The following CDYL variants were observed in gnomAD, a reference collection of about 807,000 sequenced individuals.
CDYL encodes chromodomain Y like.
Under a neutral mutation model 47.3 loss-of-function variants are expected in CDYL, and 8 were observed. The observed-to-expected ratio is 0.17, with a 90% CI of 0.10 to 0.31. The LOEUF is 0.31. Ranked by LOEUF, CDYL falls within the 10% of genes least tolerant of loss-of-function variation. The pLI, the probability that CDYL is intolerant of heterozygous loss-of-function variation, is 1.00. For synonymous variants in CDYL, 266 were observed against 265.0 expected, an observed-to-expected ratio of 1.00 and a Z score of -0.04; for missense variants, 471 against 701.4, an observed-to-expected ratio of 0.67 and a Z score of 3.71.
intron 2 of CDYL, among the ~76,000 whole-genome samples, chr6:4,731,910 G>A (rs1047699432): frequency 9.2e-5 from 14 of 151,924 alleles, no homozygotes; most frequent in Non-Finnish European, 2.1e-4. Context: ...GGGGGAAGAT[G>A]GTAATGTTTT....
intron 1 of CDYL, among the ~76,000 whole-genome samples, chr6:4,852,487 CCTTCCAAT>C: frequency 8.1e-6 from 1 of 123,368 alleles, no homozygotes; most frequent in Admixed American, 7.8e-5. Flanking sequence ...TTCCTTCCTT[CCTTCCAAT>C]CTTCCTTCCT....
chr6:4,953,704 G>C (rs1284408194), intron 6 of CDYL, among the ~76,000 whole-genome samples, 194 bp from the exon 7 acceptor site: 1 of 152,198 alleles, frequency 6.6e-6, no homozygotes, highest in Non-Finnish European at 1.5e-5. Context: ...TTGAAGTTAA[G>C]AATGCACCCA....
intron 2 of CDYL, among the ~76,000 whole-genome samples, chr6:4,918,458 AG>A (rs1213807988): frequency 3.3e-5 from 5 of 151,968 alleles, no homozygotes; most frequent in African/African-American, 1.2e-4. Flanking sequence ...GTATTTTCAA[AG>A]GCTTTAAAAA....
intron 3 of CDYL, among the ~76,000 whole-genome samples, chr6:4,762,645 C>CAAAAAAAA (rs1173404314): frequency 2.5e-5 from 1 of 39,650 alleles, no homozygotes; most frequent in Non-Finnish European, 5.4e-5. Context: ...TAAAGGGTAC[C>CAAAAAAAA]AAAAAAAAAA....
chr6:4,915,491 G>T (rs1053755728), intron 2 of CDYL, among the ~76,000 whole-genome samples: 17 of 152,162 alleles, frequency 1.1e-4, no homozygotes, highest in Admixed American at 6.5e-4. Context: ...TAATGTGGGG[G>T]ATGGGGGCAG....
intron 1 of CDYL, among the ~76,000 whole-genome samples, chr6:4,829,133 T>C (rs1406295048): frequency 2.0e-5 from 3 of 152,222 alleles, no homozygotes; most frequent in African/African-American, 7.2e-5. Flanking sequence ...TATTTCTTTA[T>C]ATGCTTTGTG....
intron 2 of CDYL, among the ~76,000 whole-genome samples, chr6:4,902,739 G>A (rs1263391776): frequency 1.1e-5 from 1 of 92,252 alleles, no homozygotes; most frequent in African/African-American, 2.9e-5. Flanking sequence ...TGGAGAAGGT[G>A]CCAGGGAGTC....
At chr6:4,844,936 T>G (rs767460083) in intron 1 of CDYL, among the ~76,000 whole-genome samples, 1 of 152,216 alleles carries the variant, frequency 6.6e-6, no homozygotes, top group Non-Finnish European at 1.5e-5. Context: ...ATAAATTGCC[T>G]TTTTCATTCT....
intron 1 of CDYL, among the ~76,000 whole-genome samples, chr6:4,713,410 C>G (rs1299568535): frequency 6.6e-6 from 1 of 152,086 alleles, no homozygotes; most frequent in Admixed American, 6.6e-5. Flanking sequence ...TAAGAGAAGG[C>G]CGCTCTGCTC....
At chr6:4,856,936 CAT>C (rs2127466477) in intron 1 of CDYL, among the ~76,000 whole-genome samples, 1 of 152,300 alleles carries the variant, frequency 6.6e-6, no homozygotes, top group African/African-American at 2.4e-5. Flanking sequence ...ATCACTGTCT[CAT>C]ATGATTTTTA....
At chr6:4,724,889 GC>G (rs1452468690) in intron 2 of CDYL, 1 of 152,168 alleles carries the variant, frequency 6.6e-6, no homozygotes, top group African/African-American at 2.4e-5. Flanking sequence ...GATTACCGCT[GC>G]TGGCTCGGGC....
At chr6:4,904,193 TAAG>T (rs1483432530) in intron 2 of CDYL, among the ~76,000 whole-genome samples, 1 of 152,198 alleles carries the variant, frequency 6.6e-6, no homozygotes, top group Non-Finnish European at 1.5e-5. Context: ...AGACTATTGT[TAAG>T]AAGATTATAC....
chr6:4,747,161 G>C (rs1757913006), intron 3 of CDYL, among the ~76,000 whole-genome samples: 1 of 151,998 alleles, frequency 6.6e-6, no homozygotes, highest in South Asian at 2.1e-4. Context: ...CCAAAAATTA[G>C]CCAAGAGTGG....
At chr6:4,859,545 T>A (rs1311859434) in intron 1 of CDYL, among the ~76,000 whole-genome samples, 1 of 152,204 alleles carries the variant, frequency 6.6e-6, no homozygotes, top group South Asian at 2.1e-4. Context: ...GGTGGCAGCC[T>A]TGCCTTTGAC....
chr6:4,764,698 A>G (rs1758226180), intron 3 of CDYL, among the ~76,000 whole-genome samples: 1 of 152,262 alleles, frequency 6.6e-6, no homozygotes, highest in African/African-American at 2.4e-5. Flanking sequence ...TTAAACTTGT[A>G]TGTACCTAGA....
intron 2 of CDYL, among the ~76,000 whole-genome samples, chr6:4,896,897 G>GA (rs1325148500): frequency 1.3e-5 from 2 of 152,138 alleles, no homozygotes; most frequent in Non-Finnish European, 2.9e-5. Flanking sequence ...CCCAAAGAAT[G>GA]AATGTTTCTG....
Position 4,952,295 on chromosome 6 carries a change from G to A in CDYL, c.1362G>A (p.Lys454=). The A allele has an allele frequency of 6.2e-7, 1 of 1,614,140 alleles. No individual in the cohort carries two copies. ...ACGAGATGCTGCTCAGTGGACGGAA[G>A]CTGACAGCGCAGGAGGCGTGTGGCA... The part of the protein sequence containing the change: ...SANEMLLSGR[K]LTAQEACGKG... Residue 454 remains lysine (K), a synonymous_variant, in exon 6 of 7, where the codon AAG becomes AAA. Coordinates refer to ENST00000397588, the MANE Select transcript of CDYL (RefSeq NM_004824.4).
intron 1 of CDYL, among the ~76,000 whole-genome samples, chr6:4,813,521 G>T (rs180809650): frequency 6.6e-6 from 1 of 152,166 alleles, no homozygotes; most frequent in African/African-American, 2.4e-5. Context: ...TACTCTACTG[G>T]GTTATCATTT....
At chr6:4,730,802 C>T (rs1757592223) in intron 2 of CDYL, among the ~76,000 whole-genome samples, 1 of 152,122 alleles carries the variant, frequency 6.6e-6, no homozygotes, top group Admixed American at 6.6e-5. Flanking sequence ...CCCTCCCTCG[C>T]CTGACATAGC....
Sources: allele counts gnomAD v4.1 joint callset (sites outside exome capture counted in the v4.1 genomes callset), GRCh38; gene constraint gnomAD v4.1.1; transcripts MANE v1.5; gene names NCBI Gene and HGNC (gene_info 2026-07-23, HGNC 2026-07-21).